Variants in SORBS2 observed in about 807,000 individuals in gnomAD.
The protein encoded by SORBS2 is sorbin and SH3 domain-containing protein 2.
A neutral mutation model predicts 97.7 loss-of-function variants in SORBS2; 46 were observed. The observed-to-expected ratio is 0.47, with a 90% CI of 0.37 to 0.60. The LOEUF (loss-of-function observed/expected upper bound fraction) is 0.60. Among genes scored for constraint, SORBS2 ranks in the 20% least tolerant of loss-of-function variants. The pLI is 0.00. For missense variants in SORBS2, 1,316 were observed against 1,282.3 expected (o/e 1.03, Z -0.40); for synonymous variants, 476 against 473.4 (o/e 1.01, Z -0.07).
At chr4:185,622,187 AGAGTTTAGAGT>A (rs2096729320) in intron 7 of SORBS2, among the ~76,000 whole-genome samples, 4 of 152,238 alleles carry the variant, frequency 2.6e-5, no homozygotes, top group Admixed American at 2.6e-4. Context: ...CTATGAAAAT[AGAGTTTAGAGT>A]CACTGTTAGC....
chr4:185,896,892 CA>C (rs70962602), intron 1 of SORBS2, among the ~76,000 whole-genome samples: 49,225 of 109,650 alleles, frequency 0.45, 8,148 homozygotes, highest in East Asian at 0.58. Flanking sequence ...TACACATGGC[CA>C]AAAAAAAAAA....
intron 2 of SORBS2, among the ~76,000 whole-genome samples, chr4:185,741,712 C>T (rs994395492): frequency 7.2e-5 from 11 of 152,188 alleles, no homozygotes; most frequent in African/African-American, 2.7e-4. Context: ...CCTGCTTGAA[C>T]ACAGCAACAG....
chr4:185,610,922 A>T (rs977515840), intron 12 of SORBS2, among the ~76,000 whole-genome samples: 1 of 152,156 alleles, frequency 6.6e-6, no homozygotes, highest in African/African-American at 2.4e-5. Flanking sequence ...GAGAAAAAAG[A>T]CCCTTACATG....
intron 1 of SORBS2, chr4:185,656,541 A>G (rs1032500765): frequency 9.0e-7 from 1 of 1,106,110 alleles, no homozygotes; most frequent in African/African-American, 1.6e-5. Context: ...TCTTGGCCAC[A>G]CCCCAGCTTT....
chr4:185,887,778 A>C (rs1424820845), intron 1 of SORBS2, among the ~76,000 whole-genome samples: 1 of 152,164 alleles, frequency 6.6e-6, no homozygotes, highest in Non-Finnish European at 1.5e-5. Flanking sequence ...ATCATTTCAT[A>C]TCTTCTGGAG....
intron 1 of SORBS2, among the ~76,000 whole-genome samples, chr4:185,849,561 A>G (rs1378688039): frequency 6.6e-6 from 1 of 151,562 alleles, no homozygotes; most frequent in Non-Finnish European, 1.5e-5. Flanking sequence ...CATGCTCTGA[A>G]ATTCTTGCTT....
At chr4:185,677,057 A>G in intron 4 of SORBS2, 2 of 1,551,518 alleles carry the variant, frequency 1.3e-6, no homozygotes, top group Non-Finnish European at 1.7e-6. Flanking sequence ...TCTCTTGCTG[A>G]AGAGGTATCT....
intron 1 of SORBS2, among the ~76,000 whole-genome samples, chr4:185,780,052 G>A (rs1393643809): frequency 1.2e-5 from 1 of 81,738 alleles, no homozygotes; most frequent in East Asian, 3.9e-4. Context: ...TTTTGCTCTT[G>A]TTGCCCAGGC....
chr4:185,783,801 C>G (rs937534289), intron 1 of SORBS2, among the ~76,000 whole-genome samples: 2 of 152,074 alleles, frequency 1.3e-5, no homozygotes, highest in Admixed American at 6.6e-5. Context: ...TAGCAAGGGC[C>G]CTCTTTTTCT....
intron 1 of SORBS2, among the ~76,000 whole-genome samples, chr4:185,858,384 C>T (rs1365862324): frequency 6.6e-6 from 1 of 152,214 alleles, no homozygotes; most frequent in African/African-American, 2.4e-5. Context: ...CTTTATAAAT[C>T]ATTCTGTCTT....
rs2099241286 is a variant in SORBS2, at chr4:185,889,319, T to A, written c.-338+66877A>T. 2.0e-5 allele frequency among the ~76,000 whole-genome samples: 3 copies of A among 152,064 alleles called. No homozygotes were observed. The South Asian group carries it at 6.2e-4, about 32-fold the overall frequency. On this transcript the variant is annotated intron_variant, in intron 1 of 20. Transcript: ENST00000284776. ...AAATAGAGAAAGAAAATGCAATTGC[T>A]CCCTTTCTCTCCCACCCTACTTGAT...
At chr4:185,818,066 A>C (rs1453339079) in intron 1 of SORBS2, among the ~76,000 whole-genome samples, 1 of 152,252 alleles carries the variant, frequency 6.6e-6, no homozygotes, top group Non-Finnish European at 1.5e-5. Context: ...CCTGACAGTG[A>C]CAGCACGTGC....
At chr4:185,585,988 A>G (rs2095796945) in exon 15 of SORBS2, 1 of 152,596 alleles carries the variant, frequency 6.6e-6, no homozygotes. Flanking sequence ...GGTGCTTGTG[A>G]TCTGTGAGAT....
At chr4:185,792,741 A>G (rs755675346) in intron 1 of SORBS2, among the ~76,000 whole-genome samples, 5 of 152,174 alleles carry the variant, frequency 3.3e-5, no homozygotes, top group Non-Finnish European at 5.9e-5. Context: ...AACGGTTTCC[A>G]TAGAGCCCAT....
intron 1 of SORBS2, among the ~76,000 whole-genome samples, chr4:185,787,713 T>C (rs1005898265): frequency 2.0e-5 from 3 of 152,220 alleles, no homozygotes; most frequent in Non-Finnish European, 2.9e-5. Flanking sequence ...TTGGGTTTTA[T>C]GGCTAAATCC....
At chr4:185,877,907 G>T (rs1009798548) in intron 1 of SORBS2, among the ~76,000 whole-genome samples, 3 of 134,584 alleles carry the variant, frequency 2.2e-5, no homozygotes, top group Non-Finnish European at 3.2e-5. Context: ...AGAAAGAAAA[G>T]AAAGAAAGAA....
At chr4:185,767,106 C>T (rs1222348221) in intron 2 of SORBS2, among the ~76,000 whole-genome samples, 1 of 152,094 alleles carries the variant, frequency 6.6e-6, no homozygotes, top group Admixed American at 6.6e-5. Context: ...CTTCACCTCC[C>T]GTGCTTGTTT....
At chr4:185,799,364 C>A (rs2099119965) in intron 1 of SORBS2, among the ~76,000 whole-genome samples, 1 of 152,190 alleles carries the variant, frequency 6.6e-6, no homozygotes, top group South Asian at 2.1e-4. Context: ...GTGAGATGCC[C>A]AGTGACATTG....
In SORBS2 at chr4:185,651,817, C is replaced by T. The variant is rs768090383; in HGVS notation, c.91+845G>A. On this transcript the variant is annotated intron_variant, in intron 2 of 14. Transcript: ENST00000418609. ...TATGTATAAGGAGTATTATACATGT[C>T]TGTGTCATCATCTAGAAAATGAAAC... 7 of 1,483,072 alleles carry T rather than the reference C, an allele frequency of 4.7e-6. No individual in the cohort carries two copies. In the Admixed American group the frequency reaches 6.8e-5, roughly 14 times the overall value. The allele number at this position is 1,483,072 out of a possible 1,614,324, so 91.9% of individuals were successfully genotyped here.
Sources: gnomAD v4.1 joint callset for allele counts (sites outside exome capture counted in the v4.1 genomes callset) on GRCh38, gnomAD v4.1.1 for gene constraint, MANE v1.5 for transcripts, NCBI Gene and HGNC (gene_info 2026-07-23, HGNC 2026-07-21) for gene names.